ACSM2A: variants seen among roughly 807,000 people sequenced by gnomAD.
The protein encoded by ACSM2A is acyl-coenzyme A synthetase ACSM2A, mitochondrial.
In ACSM2A, 72 loss-of-function variants were observed where a neutral mutation model predicts 76.6. The ratio of observed to expected loss-of-function variants is 0.94; its 90% CI spans 0.78 to 1.14. The LOEUF (loss-of-function observed/expected upper bound fraction) is 1.14, where lower values mean the gene tolerates loss of function less well. ACSM2A is among the 50% of genes most tolerant of loss of function. The pLI, the probability that ACSM2A is intolerant of heterozygous loss-of-function variation, is 0.00. For synonymous variants in ACSM2A, 249 were observed against 255.9 expected (o/e 0.97, Z 0.26); for missense variants, 684 against 708.5 (o/e 0.97, Z 0.39).
chr16:20,459,651 G>A (rs576735880), intron 1 of ACSM2A, among the ~76,000 whole-genome samples: 16 of 152,240 alleles, frequency 1.1e-4, no homozygotes, highest in East Asian at 5.8e-4. Context: ...CTCACATCTC[G>A]TTGACCAAAG....
intron 1 of ACSM2A, chr16:20,453,162 T>G (rs1321348742): frequency 1.3e-5 from 2 of 151,952 alleles, no homozygotes; most frequent in Non-Finnish European, 2.9e-5. Context: ...TGACCTGCAA[T>G]GAAAGGTGCA....
intron 8 of ACSM2A, chr16:20,476,039 A>T: frequency 9.4e-7 from 1 of 1,065,934 alleles, no homozygotes. Context: ...AGGTGGTGAG[A>T]AATGCGATGG....
At chr16:20,478,284 C>T (rs71384467) in intron 9 of ACSM2A, among the ~76,000 whole-genome samples, 2 of 152,252 alleles carry the variant, frequency 1.3e-5, no homozygotes, top group Non-Finnish European at 2.9e-5. Context: ...ACAGGTGAGG[C>T]AGGTCTCAAA....
rs528899762 is a variant in ACSM2A, at chr16:20,465,381, T to A, written c.178-136T>A. The A allele has an allele frequency of 9.4e-6, 11 of 1,175,894 alleles. No homozygotes were observed. In the South Asian group the frequency reaches 1.6e-4, roughly 18 times the overall value. The allele number at this position is 1,175,894 out of a possible 1,614,324, so 72.8% of individuals were successfully genotyped here. A position where few individuals can be genotyped will look rare whatever the true frequency, so the allele number is the denominator to read the frequency against. ...AATAACAAGTCTTTAGAATTTTCAA[T>A]ACCTTTTAAGATTGTATGGAGGTGC... On this transcript the variant is annotated intron_variant, in intron 2 of 13. Transcript: ENST00000573854.
chr16:20,454,768 C>A (rs1260340737), intron 1 of ACSM2A, among the ~76,000 whole-genome samples: 7 of 151,598 alleles, frequency 4.6e-5, no homozygotes, highest in Non-Finnish European at 8.8e-5. Context: ...CACCTCCCCC[C>A]AAAAATCACA....
intron 2 of ACSM2A, among the ~76,000 whole-genome samples, chr16:20,461,725 G>C (rs1314816009): frequency 1.3e-5 from 2 of 152,106 alleles, no homozygotes; most frequent in African/African-American, 4.8e-5. Flanking sequence ...CATAATAAAA[G>C]TAATGCAAGT....
At chr16:20,469,205 AT>A (rs60168114) in intron 3 of ACSM2A, among the ~76,000 whole-genome samples, 15,831 of 151,886 alleles carry the variant, frequency 0.1, 2,071 homozygotes, top group African/African-American at 0.3. Context: ...CCTGTAGAAA[AT>A]TTTTTTTGAG....
At chr16:20,463,679 T>A (rs1189879306) in intron 2 of ACSM2A, among the ~76,000 whole-genome samples, 1 of 152,180 alleles carries the variant, frequency 6.6e-6, no homozygotes, top group East Asian at 1.9e-4. Context: ...TTAAACTTTT[T>A]TCTTTATAAA....
At chr16:20,467,623 C>G (rs538859963) in intron 3 of ACSM2A, among the ~76,000 whole-genome samples, 14 of 152,046 alleles carry the variant, frequency 9.2e-5, no homozygotes, top group African/African-American at 3.4e-4. Context: ...GAAGTACAGA[C>G]ATTTCAGCAA....
At position 20,465,599 on chromosome 16, in the gene ACSM2A, G is replaced by T. The variant is rs771194992; in HGVS notation, c.260G>T (p.Ser87Ile). ...TTAATGTGGAATTTCAGAGAACTGA[G>T]TGAAAACAGCCAGCAGGCAGCCAAC... ...KELMWNFREL[S>I]ENSQQAANVL... Residue 87 changes from serine (S) to isoleucine (I), a missense_variant, in exon 3 of 14, where the codon AGT becomes ATT. Around this residue, in one of 3 missense-constraint regions of ACSM2A, gnomAD observed 519 missense variants for 549.5 expected, o/e 0.94. Transcript: ENST00000573854. 1 of 1,613,886 alleles carries T rather than the reference G, an allele frequency of 6.2e-7. No homozygotes were observed. The highest frequency in any genetic ancestry group is 1.3e-5 in the African/African-American group (1 of 74,938).
At chr16:20,480,445 G>A in intron 10 of ACSM2A, 128 bp from the exon 11 acceptor site, 3 of 1,475,334 alleles carry the variant, frequency 2.0e-6, no homozygotes, top group Non-Finnish European at 1.8e-6. Flanking sequence ...GGGCATGTCT[G>A]CCATGTTCAG....
At chr16:20,457,632 C>A (rs1189601502) in intron 1 of ACSM2A, among the ~76,000 whole-genome samples, 10 of 151,976 alleles carry the variant, frequency 6.6e-5, no homozygotes, top group Non-Finnish European at 1.2e-4. Flanking sequence ...ATGATTAAAA[C>A]CCTCAGCAAA....
At chr16:20,455,887 A>G (rs2012125257) in intron 1 of ACSM2A, among the ~76,000 whole-genome samples, 1 of 151,552 alleles carries the variant, frequency 6.6e-6, no homozygotes, top group Non-Finnish European at 1.5e-5. Flanking sequence ...CCAACCAAGT[A>G]TCTACTGCTT....
intron 9 of ACSM2A, among the ~76,000 whole-genome samples, chr16:20,477,841 A>C (rs1014141706): frequency 6.6e-6 from 1 of 152,120 alleles, no homozygotes; most frequent in African/African-American, 2.4e-5. Flanking sequence ...TTAATGATGT[A>C]GTAAATAGTA....
chr16:20,470,268 C>G (rs112659237), intron 4 of ACSM2A, among the ~76,000 whole-genome samples: 1 of 152,138 alleles, frequency 6.6e-6, no homozygotes, highest in Admixed American at 6.5e-5. Flanking sequence ...AGGGAAAACC[C>G]AAGAGATGGC....
chr16:20,469,801 G>A, intron 4 of ACSM2A, 82 bp downstream of exon 4: 2 of 1,588,290 alleles, frequency 1.3e-6, no homozygotes, highest in Non-Finnish European at 1.7e-6. Context: ...GCTTTATTGA[G>A]GAGGTGCAGA....
chr16:20,483,569 C>CAAAAAAAA lies in ACSM2A; in HGVS notation c.1629+418_1629+425dup, dbSNP rs60606533. ...CAGGTGACAGAGTGAGACTCTGTCT[C>CAAAAAAAA]AAAAAAAAAAAAAAAAAAAAAAAAA... On this transcript the variant is annotated intron_variant, in intron 13 of 13. Transcript: ENST00000573854. Among the ~76,000 whole-genome samples the CAAAAAAAA allele has an allele frequency of 1.6e-3, 51 of 32,222 alleles. 16 individuals carry two copies. Among genetic ancestry groups the CAAAAAAAA allele is most frequent in the South Asian group, 3.1e-3 (1 of 318 alleles). The allele number at this position is 32,222 out of a possible 152,430, so 21.1% of individuals were successfully genotyped here. A position where few individuals can be genotyped will look rare whatever the true frequency, so the allele number is the denominator to read the frequency against.
In ACSM2A at chr16:20,460,443, T is replaced by C. The variant is rs1457758726; in HGVS notation, c.177+152T>C. 4 of 1,462,938 alleles carry C rather than the reference T, an allele frequency of 2.7e-6. No individual in the cohort carries two copies. In the African/African-American group the frequency reaches 4.2e-5, roughly 15 times the overall value. The allele number at this position is 1,462,938 out of a possible 1,614,324, so 90.6% of individuals were successfully genotyped here. ...ACACTCGTCTTCCATGAAGGCAGTA[T>C]GGTATGGGAGAGAGACAGCATGAGC... is the stretch of plus-strand genomic sequence containing the variant. On this transcript the variant is annotated intron_variant, in intron 2 of 13. Coordinates refer to ENST00000573854, the MANE Select transcript of ACSM2A (RefSeq NM_001308172.2).
In ACSM2A at chr16:20,475,804, G is replaced by C. The variant is rs562548761; in HGVS notation, c.1098+31G>C. ...TGTTCCCAGGGGAACCATGGGCTGT[G>C]TGCACTTTTTGGGCTTCAAAATTCT... On this transcript the variant is annotated intron_variant, in intron 8 of 13. Coordinates refer to ENST00000573854, the MANE Select transcript of ACSM2A (RefSeq NM_001308172.2). 8.7e-6 allele frequency: 14 copies of C among 1,607,246 alleles called. No homozygotes were observed. The East Asian group carries it at 3.1e-4, about 36-fold the overall frequency.
Sources: allele counts gnomAD v4.1 joint callset (sites outside exome capture counted in the v4.1 genomes callset), GRCh38; gene constraint gnomAD v4.1.1; regional missense constraint gnomAD v4.1.1; transcripts MANE v1.5; gene names NCBI Gene and HGNC (gene_info 2026-07-23, HGNC 2026-07-21).